The following SLC71A2 variants were observed in gnomAD, a reference collection of about 807,000 sequenced individuals.
The protein encoded by SLC71A2 is solute carrier family 71 member 2.
the SLC71A2 span, among the ~76,000 whole-genome samples, chr9:94,384,080 G>A: frequency 1.3e-5 from 2 of 152,080 alleles, no homozygotes; most frequent in African/African-American, 2.4e-5. Context: ...TATTCACATT[G>A]TTCTGCAGCC....
At chr9:94,454,758 TATC>T in the SLC71A2 span, among the ~76,000 whole-genome samples, 2 of 152,206 alleles carry the variant, frequency 1.3e-5, no homozygotes, top group Admixed American at 1.3e-4. Flanking sequence ...CACTATGACT[TATC>T]ATTACCTATC....
chr9:94,442,280 T>TA, the SLC71A2 span, among the ~76,000 whole-genome samples: 1 of 152,316 alleles, frequency 6.6e-6, no homozygotes, highest in East Asian at 1.9e-4. Flanking sequence ...GATGGGCATA[T>TA]AAATGGGTTA....
the SLC71A2 span, chr9:94,459,073 G>T: frequency 2.2e-6 from 3 of 1,333,716 alleles, no homozygotes; most frequent in Non-Finnish European, 3.1e-6. Flanking sequence ...CTTTTTGGTG[G>T]TGTGTTTTTT....
At chr9:94,459,165 C>CT in the SLC71A2 span, 2 of 1,613,098 alleles carry the variant, frequency 1.2e-6, no homozygotes, top group Non-Finnish European at 1.7e-6. Context: ...CAACAGGGAG[C>CT]TGTCATCCCA....
chr9:94,410,630 CAGA>C, the SLC71A2 span, among the ~76,000 whole-genome samples: 2 of 152,046 alleles, frequency 1.3e-5, no homozygotes, highest in South Asian at 4.1e-4. Flanking sequence ...AAAAAATTGA[CAGA>C]AGATGAACAG....
the SLC71A2 span, chr9:94,438,465 C>G: frequency 2.2e-5 from 36 of 1,613,856 alleles, no homozygotes; most frequent in East Asian, 2.0e-4. Flanking sequence ...GGGAGGAAGC[C>G]CTTTCTCCTC....
chr9:94,385,810 GT>G, the SLC71A2 span, among the ~76,000 whole-genome samples: 1 of 151,956 alleles, frequency 6.6e-6, no homozygotes, highest in East Asian at 1.9e-4. Flanking sequence ...TTTCAAGACT[GT>G]TTTGGCTGTT....
chr9:94,457,535 A>T, the SLC71A2 span, among the ~76,000 whole-genome samples: 1 of 151,964 alleles, frequency 6.6e-6, no homozygotes, highest in Non-Finnish European at 1.5e-5. Flanking sequence ...CACATTCTGT[A>T]TGTCACTCCT....
chr9:94,381,813 TAATAA>T, the SLC71A2 span, among the ~76,000 whole-genome samples: 16 of 152,114 alleles, frequency 1.1e-4, no homozygotes, highest in East Asian at 3.1e-3. Context: ...TTTAAAAAAA[TAATAA>T]AATAAAATAA....
At chr9:94,452,738 TATAA>T in the SLC71A2 span, among the ~76,000 whole-genome samples, 107 of 101,028 alleles carry the variant, frequency 1.1e-3, 1 homozygote, top group Admixed American at 2.5e-3. Flanking sequence ...AGATATTATA[TATAA>T]ATATCTATTA....
chr9:94,379,049 G>C, the SLC71A2 span, among the ~76,000 whole-genome samples: 7 of 130,002 alleles, frequency 5.4e-5, no homozygotes, highest in African/African-American at 2.0e-4. Context: ...GACCTCGTAG[G>C]CTCTTTTCAC....
At chr9:94,427,228 T>A in the SLC71A2 span, among the ~76,000 whole-genome samples, 1 of 152,224 alleles carries the variant, frequency 6.6e-6, no homozygotes, top group East Asian at 1.9e-4. Flanking sequence ...GGTTAGCCTT[T>A]TAAAATTATT....
the SLC71A2 span, chr9:94,432,989 G>A: frequency 3.9e-5 from 17 of 432,088 alleles, no homozygotes; most frequent in East Asian, 2.9e-4. Flanking sequence ...GGTTTAGGTC[G>A]TTGTTGAGCT....
chr9:94,457,342 C>G, the SLC71A2 span, among the ~76,000 whole-genome samples: 1 of 152,102 alleles, frequency 6.6e-6, no homozygotes, highest in Admixed American at 6.5e-5. Context: ...TTATTGTATT[C>G]AGGAAGAAGT....
At chr9:94,396,191 T>C in the SLC71A2 span, among the ~76,000 whole-genome samples, 3 of 148,560 alleles carry the variant, frequency 2.0e-5, no homozygotes, top group Non-Finnish European at 4.4e-5. Flanking sequence ...AATTGGTATT[T>C]GTGAACTCTG....
the SLC71A2 span, among the ~76,000 whole-genome samples, chr9:94,447,451 A>G: frequency 6.8e-6 from 1 of 146,096 alleles, no homozygotes; most frequent in Non-Finnish European, 1.5e-5. Context: ...AAATGCTGGG[A>G]TTACAGGCGT....
At chr9:94,458,577 G>C in the SLC71A2 span, 4,547 of 1,051,702 alleles carry the variant, frequency 4.3e-3, 127 homozygotes, top group African/African-American at 0.065. Flanking sequence ...TATTTTATTT[G>C]GCAGCAATAA....
the SLC71A2 span, among the ~76,000 whole-genome samples, chr9:94,419,512 A>G: frequency 6.2e-4 from 94 of 152,028 alleles, 2 homozygotes; most frequent in East Asian, 0.018. Flanking sequence ...TCACCGTGTT[A>G]GCCAGGATGG....
chr9:94,413,520 C>T, the SLC71A2 span, among the ~76,000 whole-genome samples: 1 of 151,944 alleles, frequency 6.6e-6, no homozygotes, highest in Non-Finnish European at 1.5e-5. Flanking sequence ...CACATTCATA[C>T]AATGAGATAC....
Sources: allele counts gnomAD v4.1 joint callset (sites outside exome capture counted in the v4.1 genomes callset), GRCh38; gene constraint gnomAD v4.1.1; transcripts MANE v1.5; gene names NCBI Gene and HGNC (gene_info 2026-07-23, HGNC 2026-07-21).